The following PUS3 variants were observed in gnomAD, a reference collection of about 807,000 sequenced individuals.
PUS3 encodes tRNA pseudouridine(38/39) synthase.
PUS3 carries 36 observed loss-of-function variants against 43.3 expected under a neutral mutation model. The observed-to-expected ratio is 0.83, with a 90% CI of 0.64 to 1.10. The LOEUF (loss-of-function observed/expected upper bound fraction) is 1.10. Ranked by LOEUF, PUS3 falls within the 50% of genes least tolerant of loss-of-function variation. PUS3 has a pLI of 0.00. For synonymous variants in PUS3, 183 were observed against 199.2 expected (o/e 0.92, Z 0.69); for missense variants, 544 against 589.9 (o/e 0.92, Z 0.81).
chr11:125,900,011 C>T (rs200189008), intron 1 of PUS3: 22 of 1,614,124 alleles, frequency 1.4e-5, no homozygotes, highest in Middle Eastern at 1.6e-4. Flanking sequence ...CCGGGTAGCC[C>T]GGTATTTTGA....
At position 125,896,327 on chromosome 11, in the gene PUS3, C is replaced by G. The variant is rs376807825; in HGVS notation, c.-43G>C. On this transcript the variant is annotated 5_prime_UTR_variant, in exon 2 of 4. Transcript: ENST00000227474. ...AATAAACGAACCATACAGGTCTGCC[C>G]TGTCTGAAAAGAGAGCAAAGGGATA... The G allele has an allele frequency of 9.1e-6, 14 of 1,534,058 alleles. No individual in the cohort carries two copies. In the African/African-American group the frequency reaches 1.6e-4, roughly 18 times the overall value.
intron 1 of PUS3, chr11:125,898,965 A>T (rs560299643): frequency 1.2e-5 from 2 of 160,672 alleles, no homozygotes; most frequent in African/African-American, 4.8e-5. Context: ...ATGAATTAAT[A>T]AATGTAAAGC....
At chr11:125,895,169 T>TCCCAG in intron 3 of PUS3, 55 bp downstream of exon 3, 1 of 1,426,446 alleles carries the variant, frequency 7.0e-7, no homozygotes. Flanking sequence ...GCCTCAAGCG[T>TCCCAG]CCCGAGTAGC....
chr11:125,899,988 G>C (rs778523649), intron 1 of PUS3: 4 of 1,614,206 alleles, frequency 2.5e-6, no homozygotes, highest in Non-Finnish European at 2.5e-6. Flanking sequence ...AGCCGAAACC[G>C]GGGCAAGACA....
chr11:125,898,060 G>A (rs1033954903), intron 1 of PUS3, among the ~76,000 whole-genome samples: 3 of 151,994 alleles, frequency 2.0e-5, no homozygotes, highest in African/African-American at 7.3e-5. Context: ...TATCTTTAAG[G>A]TTCAGAAGAG....
Position 125,895,671 on chromosome 11 carries a change from C to T in PUS3, c.497G>A (p.Arg166Gln), listed in dbSNP as rs200876642. Residue 166 changes from arginine (R) to glutamine (Q), a missense_variant, in exon 3 of 4, where the codon CGG (arginine) becomes CAG (glutamine). Physicochemically the swap from Arg to Gln is conservative, Grantham distance 43 (BLOSUM62 1). Transcript: ENST00000227474. Reference sequence around the variant, plus strand: ...TATACGGATGTCTGGAGGGAGTACCCGATTGAGAATGTGGGTATAACGGAT... The same window carrying T: ...TATACGGATGTCTGGAGGGAGTACCTGATTGAGAATGTGGGTATAACGGAT... ...EEIRYTHILN[R>Q]VLPPDIRILA... The T allele has an allele frequency of 1.2e-5, 19 of 1,614,144 alleles. No individual in the cohort carries two copies. Among genetic ancestry groups the T allele is most frequent in the East Asian group, 6.7e-5 (3 of 44,886 alleles).
In PUS3 at chr11:125,895,310, G is replaced by C; in HGVS notation, c.858C>G (p.Leu286=). 1 of 1,613,928 alleles carries C rather than the reference G, an allele frequency of 6.2e-7. No homozygotes were observed. The highest frequency in any genetic ancestry group is 8.5e-7 in the Non-Finnish European group (1 of 1,179,948). The change falls in exon 3 of 4, where the codon CTC becomes CTG. Residue 286 remains leucine, a synonymous_variant. Coordinates refer to ENST00000227474, the MANE Select transcript of PUS3 (RefSeq NM_031307.4). ...YHQVRCMMAI[L]FLIGQGMEKP... ...TCTCCATTCCTTGGCCAATCAGAAA[G>C]AGGATAGCCATCATACATCGGACTT...
At chr11:125,898,243 A>G (rs1944648674) in intron 1 of PUS3, among the ~76,000 whole-genome samples, 1 of 152,238 alleles carries the variant, frequency 6.6e-6, no homozygotes, top group Admixed American at 6.5e-5. Flanking sequence ...AAAGAAAAAT[A>G]GTGGGGACAC....
intron 3 of PUS3, 55 bp from the exon 4 acceptor site, chr11:125,894,341 C>A (rs570062415): frequency 5.6e-6 from 8 of 1,440,052 alleles, no homozygotes; most frequent in African/African-American, 1.4e-5. Flanking sequence ...TCTAACAGTT[C>A]TTTAAAAACT....
chr11:125,894,361 T>G, intron 3 of PUS3, 75 bp from the exon 4 acceptor site: 1 of 1,299,464 alleles, frequency 7.7e-7, no homozygotes, highest in Non-Finnish European at 1.1e-6. Context: ...TAAGGGTTAG[T>G]TGCGTTAAGG....
intron 1 of PUS3, chr11:125,900,391 A>G (rs1473050370): frequency 7.8e-6 from 7 of 896,940 alleles, no homozygotes; most frequent in East Asian, 7.8e-5. Flanking sequence ...GACTTCACCT[A>G]TCATTGGTCT....
chr11:125,895,259 C>G lies in PUS3; in HGVS notation c.909G>C (p.Leu303=). The G allele has an allele frequency of 6.2e-7, 1 of 1,604,254 alleles. No individual in the cohort carries two copies. The highest frequency in any genetic ancestry group is 8.5e-7 in the Non-Finnish European group (1 of 1,176,766). ...GCTTTTGGGGATTTTTCTCTATATT[C>G]AGCAGCTCATCAATAATCTCTGGCT... ...MEKPEIIDEL[L]NIEKNPQKPQ... Residue 303 remains leucine (L), a synonymous_variant, in exon 3 of 4, where the codon CTG becomes CTC. Transcript: ENST00000227474.
intron 3 of PUS3, 84 bp from the exon 4 acceptor site, chr11:125,894,370 G>A (rs1416397239): frequency 1.7e-6 from 2 of 1,151,798 alleles, no homozygotes; most frequent in Admixed American, 4.4e-5. Flanking sequence ...GTTGCGTTAA[G>A]GGAGCCGGGT....
In PUS3 at chr11:125,900,034, C is replaced by G. The variant is rs1315631400; in HGVS notation, c.-47+3136G>C. 8.1e-6 allele frequency: 13 copies of G among 1,614,166 alleles called. No individual in the cohort carries two copies. The highest frequency in any genetic ancestry group is 9.3e-6 in the Non-Finnish European group (11 of 1,180,036). ...CCCGGTATTTTGAGTACAAACGGGA[C>G]TGGGACTCAATACGTTTACCTGGTG... On this transcript the variant is annotated intron_variant, in intron 1 of 3. Coordinates refer to ENST00000227474, the MANE Select transcript of PUS3 (RefSeq NM_031307.4).
At chr11:125,900,522 A>T (rs953714673) in intron 1 of PUS3, 7 of 488,000 alleles carry the variant, frequency 1.4e-5, no homozygotes, top group East Asian at 4.2e-5. Flanking sequence ...TATTTTGTCA[A>T]ATTAGTAAGG....
intron 3 of PUS3, among the ~76,000 whole-genome samples, chr11:125,894,934 A>G (rs1944528542): frequency 1.3e-5 from 2 of 152,252 alleles, no homozygotes; most frequent in Non-Finnish European, 2.9e-5. Context: ...AAATTAAAAT[A>G]CACTGCTCCC....
In PUS3 at chr11:125,896,055, T is replaced by C. The variant is rs778436881; in HGVS notation, c.230A>G (p.Gln77Arg). 3.1e-6 allele frequency: 5 copies of C among 1,614,104 alleles called. No homozygotes were observed. The Admixed American group carries it at 6.7e-5, about 22-fold the overall frequency. The change falls in exon 2 of 4, where the codon CAG becomes CGG. Residue 77 changes from glutamine to arginine, a missense_variant. By Grantham distance (43) the Gln-to-Arg change is conservative. Transcript: ENST00000227474. ...TGTGTTTTCCTGACTAGCAAAGCCC[T>C]GGTATCCCCAGCCCATATAGGCTAT... The part of the protein sequence containing the change: ...LRIAYMGWGY[Q>R]GFASQENTNN...
At chr11:125,897,678 C>G (rs537315918) in intron 1 of PUS3, among the ~76,000 whole-genome samples, 2 of 152,180 alleles carry the variant, frequency 1.3e-5, no homozygotes, top group East Asian at 3.9e-4. Flanking sequence ...AACTATTTTT[C>G]AAGGAAGTGA....
At chr11:125,901,512 G>A (rs541563583) in intron 1 of PUS3, among the ~76,000 whole-genome samples, 1 of 152,206 alleles carries the variant, frequency 6.6e-6, no homozygotes. Context: ...CCAGAGGCCA[G>A]AAGAATGATA....
Sources: gnomAD v4.1 joint callset for allele counts (sites outside exome capture counted in the v4.1 genomes callset) on GRCh38, gnomAD v4.1.1 for gene constraint, MANE v1.5 for transcripts, NCBI Gene and HGNC (gene_info 2026-07-23, HGNC 2026-07-21) for gene names.